Variants in TMEM132B observed in about 807,000 individuals in gnomAD.
TMEM132B encodes transmembrane protein 132B.
A neutral mutation model predicts 90.8 loss-of-function variants in TMEM132B; 18 were observed. The observed-to-expected ratio is 0.20, with a 90% CI of 0.14 to 0.29. The LOEUF is 0.29. Among genes scored for constraint, TMEM132B ranks in the 10% least tolerant of loss-of-function variants. TMEM132B has a pLI of 1.00. For synonymous variants in TMEM132B, 504 were observed against 523.3 expected (o/e 0.96, Z 0.50); for missense variants, 1,096 against 1,326.8 (o/e 0.83, Z 2.70).
intron 5 of TMEM132B, among the ~76,000 whole-genome samples, chr12:125,606,069 G>A (rs1266335847): frequency 1.3e-5 from 2 of 152,148 alleles, no homozygotes; most frequent in African/African-American, 2.4e-5. Context: ...ATTGTATGTC[G>A]TATATTTTGC....
chr12:125,421,708 A>G (rs1156506153), intron 3 of TMEM132B, among the ~76,000 whole-genome samples: 2 of 152,256 alleles, frequency 1.3e-5, no homozygotes, highest in Admixed American at 6.5e-5. Flanking sequence ...GCAGAGGGAA[A>G]GGTCATCCTT....
chr12:125,524,479 A>G (rs1338004666), intron 4 of TMEM132B, among the ~76,000 whole-genome samples: 1 of 152,226 alleles, frequency 6.6e-6, no homozygotes, highest in Non-Finnish European at 1.5e-5. Context: ...AACTCCAGTT[A>G]CTAGCTTCAT....
At chr12:125,601,600 G>A (rs1445716858) in intron 5 of TMEM132B, among the ~76,000 whole-genome samples, 1 of 151,976 alleles carries the variant, frequency 6.6e-6, no homozygotes, top group Non-Finnish European at 1.5e-5. Context: ...CAGAAGACAA[G>A]AAATAACTAA....
chr12:125,328,686 A>G (rs1332944454), intron 1 of TMEM132B, among the ~76,000 whole-genome samples: 2 of 152,160 alleles, frequency 1.3e-5, no homozygotes, highest in Non-Finnish European at 2.9e-5. Flanking sequence ...CCTTTGTCCA[A>G]TATGACCTGC....
At chr12:125,383,129 G>A (rs1489201411) in intron 2 of TMEM132B, among the ~76,000 whole-genome samples, 1 of 152,054 alleles carries the variant, frequency 6.6e-6, no homozygotes, top group African/African-American at 2.4e-5. Flanking sequence ...ACGGTGAGAC[G>A]GCCTCTTGTT....
At chr12:125,394,847 G>C (rs1034273906) in intron 2 of TMEM132B, among the ~76,000 whole-genome samples, 1 of 152,114 alleles carries the variant, frequency 6.6e-6, no homozygotes, top group Non-Finnish European at 1.5e-5. Context: ...TGGGTCACAT[G>C]GATGTAAAGA....
rs115250974 is a variant in TMEM132B, at chr12:125,352,983, G to A, written c.959+2640G>A. ...TAGTCACTCCACTGGAAGGGGTGGG[G>A]TGGTCTAAAACCAGTTCTTGGCTCT... On this transcript the variant is annotated intron_variant, in intron 2 of 8. Transcript: ENST00000682704. 6.5e-3 allele frequency among the ~76,000 whole-genome samples: 984 copies of A among 152,336 alleles called. 11 individuals are homozygous for A. The highest frequency in any genetic ancestry group is 0.023 in the African/African-American group (940 of 41,580).
chr12:125,466,319 A>G (rs971271265), intron 3 of TMEM132B, among the ~76,000 whole-genome samples: 20 of 152,222 alleles, frequency 1.3e-4, no homozygotes, highest in Admixed American at 1.0e-3. Flanking sequence ...GGCATTTAAT[A>G]AAATGCCTGC....
chr12:125,463,680 A>G (rs1393035505), intron 3 of TMEM132B, among the ~76,000 whole-genome samples: 1 of 152,134 alleles, frequency 6.6e-6, no homozygotes, highest in Non-Finnish European at 1.5e-5. Context: ...CATTGCTGGG[A>G]GGAATAGAAT....
chr12:125,521,789 G>A (rs1261404516), intron 4 of TMEM132B, among the ~76,000 whole-genome samples: 1 of 152,174 alleles, frequency 6.6e-6, no homozygotes, highest in Non-Finnish European at 1.5e-5. Flanking sequence ...CCTGGCTTCT[G>A]CCTCCCTCCT....
intron 5 of TMEM132B, among the ~76,000 whole-genome samples, chr12:125,619,251 G>A (rs56033453): frequency 0.096 from 14,594 of 152,170 alleles, 1,151 homozygotes; most frequent in Admixed American, 0.27. Flanking sequence ...TTCCCAAGAA[G>A]CTCTGCTCAT....
At position 125,408,109 on chromosome 12, in the gene TMEM132B, C is replaced by T. The variant is rs1006109831; in HGVS notation, c.960-7422C>T. Among the ~76,000 whole-genome samples, 4 of 152,188 alleles carry T rather than the reference C, an allele frequency of 2.6e-5. No homozygotes were observed. The highest frequency in any genetic ancestry group is 4.4e-5 in the Non-Finnish European group (3 of 68,038). On this transcript the variant is annotated intron_variant, in intron 2 of 8. Transcript: ENST00000682704. The surrounding 1 kb of genome is among the most constrained non-coding windows in gnomAD (Gnocchi z 5.9). ...CTGTGTGCCTGCTTCTGACTTTCCACGAACGGAATTGCACAGTGCGCGCTT... is the reference window on the plus strand; with the variant it reads ...CTGTGTGCCTGCTTCTGACTTTCCATGAACGGAATTGCACAGTGCGCGCTT...
chr12:125,216,291 T>C (rs1276316592), intron 1 of TMEM132B, among the ~76,000 whole-genome samples: 1 of 152,160 alleles, frequency 6.6e-6, no homozygotes, highest in Non-Finnish European at 1.5e-5. Flanking sequence ...GTGGGGAGGC[T>C]TGAAGCAGGG....
intron 1 of TMEM132B, among the ~76,000 whole-genome samples, chr12:125,211,171 A>G (rs1190332571): frequency 6.6e-6 from 1 of 152,164 alleles, no homozygotes; most frequent in African/African-American, 2.4e-5. Context: ...GTTTTGGCTT[A>G]AGCCAAAACC....
At chr12:125,417,459 T>C (rs2136367014) in intron 3 of TMEM132B, among the ~76,000 whole-genome samples, 1 of 152,166 alleles carries the variant, frequency 6.6e-6, no homozygotes, top group South Asian at 2.1e-4. Context: ...GGTGGTCAGC[T>C]CACAGTGTTT....
At position 125,519,251 on chromosome 12, in the gene TMEM132B, CCT is replaced by C. The variant is rs1883243605; in HGVS notation, c.1107-187_1107-186del. 2.6e-5 allele frequency among the ~76,000 whole-genome samples: 4 copies of C among 152,156 alleles called. No homozygotes were observed. In the South Asian group the frequency reaches 6.2e-4, roughly 24 times the overall value. On this transcript the variant is annotated intron_variant, in intron 3 of 8. Coordinates refer to ENST00000682704, the MANE Select transcript of TMEM132B (RefSeq NM_001366854.1). ...CGGAGCCCTAGAGACGGATCGTCAG[CCT>C]ATTCTGAGGTGTGGGCTGCTGATGG...
At chr12:125,255,845 G>T (rs112254947) in intron 1 of TMEM132B, among the ~76,000 whole-genome samples, 2 of 152,276 alleles carry the variant, frequency 1.3e-5, no homozygotes, top group African/African-American at 4.8e-5. Flanking sequence ...GACATGTTCT[G>T]GTTGAAGCTG....
chr12:125,497,132 C>T (rs1007755989), intron 3 of TMEM132B, among the ~76,000 whole-genome samples: 6 of 152,186 alleles, frequency 3.9e-5, no homozygotes, highest in Admixed American at 2.6e-4. Flanking sequence ...AATCTGCTGT[C>T]CTCCAAGGAG....
In TMEM132B at chr12:125,657,117, C is replaced by A. The variant is rs1292880779; in HGVS notation, c.*2407C>A. 1.3e-5 allele frequency: 2 copies of A among 152,196 alleles called. No homozygotes were observed. The highest frequency in any genetic ancestry group is 2.9e-5 in the Non-Finnish European group (2 of 68,050). 9.4% of individuals were successfully genotyped at this position (152,196 alleles called of 1,614,324 possible). ...GAGCGTTCAAACATGCCAGTGGTTTCTCAGCAGGGCTGGAAACTGGCCACA... is the reference window on the plus strand; with the variant it reads ...GAGCGTTCAAACATGCCAGTGGTTTATCAGCAGGGCTGGAAACTGGCCACA... On this transcript the variant is annotated 3_prime_UTR_variant, in exon 9 of 9. Transcript: ENST00000682704.
Sources: allele counts gnomAD v4.1 joint callset (sites outside exome capture counted in the v4.1 genomes callset), GRCh38; gene constraint gnomAD v4.1.1; non-coding constraint Gnocchi (gnomAD v3.1); transcripts MANE v1.5; gene names NCBI Gene and HGNC (gene_info 2026-07-23, HGNC 2026-07-21).